TUT7: variants seen among roughly 807,000 people sequenced by gnomAD.
The protein encoded by TUT7 is terminal uridylyl transferase 7.
TUT7 carries 33 observed loss-of-function variants against 165.9 expected under a neutral mutation model. That is an observed-to-expected ratio of 0.20 (90% confidence interval 0.15 to 0.27). The LOEUF is 0.27. TUT7 is among the 10% of genes least tolerant of loss of function. The probability of loss-of-function intolerance (pLI) is 1.00; values close to 1 mark genes in which losing one functional copy is unlikely to be tolerated. For missense variants in TUT7, 1,338 were observed against 1,762.3 expected (o/e 0.76, Z 4.31); for synonymous variants, 552 against 608.1 (o/e 0.91, Z 1.36).
At chr9:86,346,252 G>T in intron 3 of TUT7, 47 bp downstream of exon 3, 1 of 1,569,010 alleles carries the variant, frequency 6.4e-7, no homozygotes. Context: ...CAAAATTGAG[G>T]CTAAAACCAG....
intron 10 of TUT7, among the ~76,000 whole-genome samples, chr9:86,334,480 G>T (rs1265851845): frequency 6.6e-6 from 1 of 152,156 alleles, no homozygotes; most frequent in African/African-American, 2.4e-5. Flanking sequence ...GGCTTCAGTG[G>T]CAGGATTCCG....
At chr9:86,315,821 C>T (rs1828671251) in intron 17 of TUT7, among the ~76,000 whole-genome samples, 1 of 151,886 alleles carries the variant, frequency 6.6e-6, no homozygotes, top group Admixed American at 6.6e-5. Flanking sequence ...AAAGCCTAAC[C>T]CAATTTCTGT....
intron 2 of TUT7, among the ~76,000 whole-genome samples, chr9:86,347,885 T>G (rs1390489545): frequency 1.3e-5 from 2 of 152,210 alleles, no homozygotes; most frequent in South Asian, 4.1e-4. Flanking sequence ...GAACAATTTT[T>G]TTTTTTCAGA....
chr9:86,324,136 A>G (rs2131447580), intron 12 of TUT7, among the ~76,000 whole-genome samples, 176 bp from the exon 13 acceptor site: 1 of 152,350 alleles, frequency 6.6e-6, no homozygotes, highest in East Asian at 1.9e-4. Flanking sequence ...ACAGAGTTTA[A>G]GAACAAAAAG....
At chr9:86,289,155 G>A (rs990719817) in intron 26 of TUT7, among the ~76,000 whole-genome samples, 1 of 152,124 alleles carries the variant, frequency 6.6e-6, no homozygotes, top group Non-Finnish European at 1.5e-5. Context: ...ACGAAGCTGT[G>A]GATGGTAATC....
chr9:86,294,093 G>A (rs1826102996), intron 26 of TUT7, among the ~76,000 whole-genome samples: 1 of 152,124 alleles, frequency 6.6e-6, no homozygotes, highest in Non-Finnish European at 1.5e-5. Context: ...CAACTTCCAT[G>A]TGTACTCTTT....
intron 2 of TUT7, among the ~76,000 whole-genome samples, chr9:86,348,364 C>T (rs573504434): frequency 5.9e-5 from 9 of 152,178 alleles, no homozygotes; most frequent in African/African-American, 1.4e-4. Context: ...AATACTGTCC[C>T]CATTGTACAG....
chr9:86,308,656 A>G (rs1258942399), intron 21 of TUT7, 50 bp from the exon 22 acceptor site: 3 of 1,423,614 alleles, frequency 2.1e-6, no homozygotes, highest in Non-Finnish European at 2.8e-6. Context: ...TGAAGTGTTA[A>G]TATCAATATT....
intron 10 of TUT7, among the ~76,000 whole-genome samples, chr9:86,331,335 G>A (rs1830294030): frequency 6.6e-6 from 1 of 152,082 alleles, no homozygotes; most frequent in Non-Finnish European, 1.5e-5. Flanking sequence ...TCCAGTTATT[G>A]GGTATAGTGT....
At chr9:86,326,316 T>TA (rs1392612538) in intron 11 of TUT7, 2 of 154,450 alleles carry the variant, frequency 1.3e-5, no homozygotes, top group Non-Finnish European at 2.9e-5. Flanking sequence ...TCAAGGTCTA[T>TA]AATCTGTCTA....
chr9:86,320,870 C>CA (rs1320961956), intron 14 of TUT7, among the ~76,000 whole-genome samples: 1 of 152,198 alleles, frequency 6.6e-6, no homozygotes, highest in Non-Finnish European at 1.5e-5. Flanking sequence ...CCCTTACCCT[C>CA]ATCCTTACTT....
intron 25 of TUT7, chr9:86,301,828 G>A (rs1826937791): frequency 1.0e-6 from 1 of 985,288 alleles, no homozygotes; most frequent in Non-Finnish European, 1.2e-6. Context: ...TTGCTCTAGT[G>A]CTGTAAAACC....
In TUT7 at chr9:86,319,015, C is replaced by A; in HGVS notation, c.3159G>T (p.Gly1053=). The change falls in exon 16 of 27, where the codon GGG becomes GGT. Residue 1053 remains glycine (G), a synonymous_variant. Transcript: ENST00000375963. ...SLFGSSKNGF[G]FKQSDLDVCM... is the part of the protein sequence containing the mutation. Reference sequence around the variant, plus strand: ...AGACGTCAAGGTCACTCTGTTTGAACCCAAATCCATTTTTGGAGGAGCCAA... The same window carrying A: ...AGACGTCAAGGTCACTCTGTTTGAAACCAAATCCATTTTTGGAGGAGCCAA... The A allele has an allele frequency of 6.2e-7, 1 of 1,613,864 alleles. No homozygotes were observed. The highest frequency in any genetic ancestry group is 8.5e-7 in the Non-Finnish European group (1 of 1,179,882).
At chr9:86,349,279 CA>C (rs879302155) in intron 2 of TUT7, among the ~76,000 whole-genome samples, 177 of 131,810 alleles carry the variant, frequency 1.3e-3, no homozygotes, top group East Asian at 1.7e-3. Flanking sequence ...AACTCCATCT[CA>C]AAAAAAAAAA....
In TUT7 at chr9:86,332,178, C is replaced by T. The variant is rs552743305; in HGVS notation, c.1456-3686G>A. Among the ~76,000 whole-genome samples, 280 of 152,204 alleles carry T rather than the reference C, an allele frequency of 1.8e-3. 1 individual carries two copies. The highest frequency in any genetic ancestry group is 3.1e-3 in the Non-Finnish European group (214 of 68,010). On this transcript the variant is annotated intron_variant, in intron 10 of 26. Transcript: ENST00000375963. ...AGAACTACCATTCAACCCAGCAATC[C>T]CATTACTGAGTATATACCCAGAGAA...
intron 26 of TUT7, 88 bp from the exon 27 acceptor site, chr9:86,288,832 G>C (rs1404787514): frequency 9.6e-7 from 1 of 1,042,938 alleles, no homozygotes; most frequent in Admixed American, 2.3e-5. Flanking sequence ...TTATTAAGTA[G>C]TCACAAAAAC....
At chr9:86,317,928 AAAAT>A (rs558235390) in intron 16 of TUT7, among the ~76,000 whole-genome samples, 6 of 152,302 alleles carry the variant, frequency 3.9e-5, no homozygotes, top group African/African-American at 1.4e-4. Flanking sequence ...GCCATGTAAA[AAAAT>A]AAATAAATAA....
rs779535708 is a variant in TUT7 at position 86,301,466 on chromosome 9, G to A, written c.4230C>T (p.Pro1410=). The change falls in exon 26 of 27, where the codon CCC becomes CCT. Residue 1410 remains proline (P), a synonymous_variant. Transcript: ENST00000375963. ...TGGCTTTCTGAGGTGTGCACTGTAT[G>A]GGCTTATCTTCTTTTGTTGACACCT... ...EREVSTKEDK[P]IQCTPQKAKP... 1.2e-5 allele frequency: 19 copies of A among 1,613,992 alleles called. No individual in the cohort carries two copies. In the Admixed American group the frequency reaches 2.5e-4, roughly 21 times the overall value.
intron 5 of TUT7, 192 bp downstream of exon 5, chr9:86,344,785 T>G (rs1282685084): frequency 1.6e-5 from 9 of 565,436 alleles, no homozygotes; most frequent in Non-Finnish European, 2.4e-5. Context: ...GAAACAGGTT[T>G]ATAATGACAA....
Sources: allele counts gnomAD v4.1 joint callset (sites outside exome capture counted in the v4.1 genomes callset), GRCh38; gene constraint gnomAD v4.1.1; transcripts MANE v1.5; gene names NCBI Gene and HGNC (gene_info 2026-07-23, HGNC 2026-07-21).